The following STIM2 variants were observed in gnomAD, a reference collection of about 807,000 sequenced individuals.
The protein encoded by STIM2 is stromal interaction molecule 2.
STIM2 carries 31 observed loss-of-function variants against 85.8 expected under a neutral mutation model. The ratio of observed to expected loss-of-function variants is 0.36; its 90% CI spans 0.27 to 0.49. STIM2 has a LOEUF of 0.49. Ranked by LOEUF, STIM2 falls within the 20% of genes least tolerant of loss-of-function variation. The probability of loss-of-function intolerance (pLI) is 0.98; values close to 1 mark genes in which losing one functional copy is unlikely to be tolerated. For synonymous variants in STIM2, 356 were observed against 331.1 expected (o/e 1.08, Z -0.82); for missense variants, 841 against 927.6 (o/e 0.91, Z 1.21).
At position 27,008,853 on chromosome 4, in the gene STIM2, A is replaced by G. The variant is rs140811417; in HGVS notation, c.1340A>G (p.His447Arg). Residue 447 changes from histidine (H) to arginine (R), a missense_variant, in exon 10 of 12, where the codon CAT becomes CGT. Around this residue, in one of 3 missense-constraint regions of STIM2, gnomAD observed 408 missense variants for 525.4 expected, o/e 0.78. Coordinates refer to ENST00000467087, the MANE Select transcript of STIM2 (RefSeq NM_020860.4). ...AAGATCTGTGGCTTTCAGATAGCCC[A>G]TAACTCAGGACTCCCCAGCCTGACC... is the stretch of plus-strand genomic sequence containing the variant. 76 of 1,614,056 alleles carry G rather than the reference A, an allele frequency of 4.7e-5. No homozygotes were observed. Among genetic ancestry groups the G allele is most frequent in the Non-Finnish European group, 6.1e-5 (72 of 1,180,036 alleles).
intron 1 of STIM2, 155 bp downstream of exon 1, chr4:26,861,524 G>GCCTGCTGCTTCGTCGCGGTC: frequency 1.7e-6 from 2 of 1,147,094 alleles, no homozygotes; most frequent in Non-Finnish European, 2.2e-6. Flanking sequence ...GCGGTCCCCT[G>GCCTGCTGCTTCGTCGCGGTC]CACTCCGGAC....
At chr4:26,957,420 C>T (rs768107303) in intron 2 of STIM2, among the ~76,000 whole-genome samples, 192 bp from the exon 3 acceptor site, 4 of 152,062 alleles carry the variant, frequency 2.6e-5, no homozygotes, top group South Asian at 2.1e-4. Flanking sequence ...GGTGGCGTTA[C>T]GATTAGTAGC....
At chr4:26,991,929 T>C (rs534831098) in intron 3 of STIM2, among the ~76,000 whole-genome samples, 25 of 152,226 alleles carry the variant, frequency 1.6e-4, no homozygotes, top group Admixed American at 6.5e-4. Context: ...GGCATTTCTG[T>C]AGCTCTGCAG....
At chr4:26,894,958 T>A (rs1485769303) in intron 1 of STIM2, among the ~76,000 whole-genome samples, 2 of 152,248 alleles carry the variant, frequency 1.3e-5, no homozygotes, top group Non-Finnish European at 2.9e-5. Flanking sequence ...ACATCTGTAA[T>A]GCCAGCACTT....
chr4:27,022,826 C>T lies in STIM2; in HGVS notation c.2071C>T (p.Pro691Ser), dbSNP rs186602217. ...CCAGCTTTCCAGTGGCATCCCGGTG[C>T]CTAAACCTCGCCACACATCATGTTC... The change falls in exon 12 of 12, where the codon CCT becomes TCT. Residue 691 changes from proline (P) to serine (S), a missense_variant. Pro to Ser is a moderately conservative substitution (Grantham distance 74). Around this residue, in one of 3 missense-constraint regions of STIM2, gnomAD observed 293 missense variants for 284.5 expected, o/e 1.03. Coordinates refer to ENST00000467087, the MANE Select transcript of STIM2 (RefSeq NM_020860.4). 43 of 1,614,178 alleles carry T rather than the reference C, an allele frequency of 2.7e-5. 2 individuals are homozygous for T. In the East Asian group the frequency reaches 9.4e-4, roughly 35 times the overall value.
intron 3 of STIM2, among the ~76,000 whole-genome samples, chr4:26,994,228 A>G (rs774908127): frequency 6.6e-6 from 1 of 152,090 alleles, no homozygotes; most frequent in Non-Finnish European, 1.5e-5. Context: ...GCATACTTCA[A>G]ACATAACGTG....
chr4:27,023,737 G>A lies in STIM2; in HGVS notation c.*741G>A, dbSNP rs1462353728. The A allele has an allele frequency of 6.6e-6, 1 of 152,604 alleles. No homozygotes were observed. Among genetic ancestry groups the A allele is most frequent in the Non-Finnish European group, 1.5e-5 (1 of 68,042 alleles). The allele number at this position is 152,604 out of a possible 1,614,324, so 9.5% of individuals were successfully genotyped here. A position where few individuals can be genotyped will look rare whatever the true frequency, so the allele number is the denominator to read the frequency against. On this transcript the variant is annotated 3_prime_UTR_variant, in exon 12 of 12. Transcript: ENST00000467087. ...TTCACTGTGATTTACTGCATTGCAG[G>A]CTGTATGATAAAACACACATAATTT...
At chr4:26,976,907 T>C (rs1323303143) in intron 3 of STIM2, among the ~76,000 whole-genome samples, 1 of 152,232 alleles carries the variant, frequency 6.6e-6, no homozygotes, top group African/African-American at 2.4e-5. Flanking sequence ...CTGATGGAGT[T>C]AACGCTCTTT....
intron 7 of STIM2, among the ~76,000 whole-genome samples, chr4:27,003,872 T>C (rs1024902012): frequency 6.6e-6 from 1 of 152,154 alleles, no homozygotes; most frequent in African/African-American, 2.4e-5. Context: ...CCCCTTCGTC[T>C]GTCTTGAAAG....
intron 4 of STIM2, among the ~76,000 whole-genome samples, chr4:26,996,618 T>G (rs1378350941): frequency 6.6e-6 from 1 of 152,096 alleles, no homozygotes; most frequent in African/African-American, 2.4e-5. Flanking sequence ...ATTATAGGGA[T>G]AAGAGTCAAT....
chr4:26,861,657 T>G, intron 1 of STIM2: 1 of 269,590 alleles, frequency 3.7e-6, no homozygotes. Flanking sequence ...TCTTTCGTGC[T>G]GCAGAAGTGC....
chr4:26,913,587 T>G (rs1273430402), intron 1 of STIM2, among the ~76,000 whole-genome samples: 1 of 152,226 alleles, frequency 6.6e-6, no homozygotes, highest in Non-Finnish European at 1.5e-5. Context: ...TACTAACTAC[T>G]TAGGTTTAAA....
chr4:26,985,208 TG>T (rs1254710018), intron 3 of STIM2, among the ~76,000 whole-genome samples: 2 of 152,202 alleles, frequency 1.3e-5, no homozygotes, highest in Non-Finnish European at 2.9e-5. Context: ...TAGGATGAAA[TG>T]TGAAAGGCCC....
chr4:26,886,919 T>G (rs1302122875), intron 1 of STIM2, among the ~76,000 whole-genome samples: 2 of 152,170 alleles, frequency 1.3e-5, no homozygotes, highest in Admixed American at 6.5e-5. Context: ...GGAGAGAAAG[T>G]GCTAGAGCTC....
At chr4:26,903,917 G>A (rs571631326) in intron 1 of STIM2, among the ~76,000 whole-genome samples, 32 of 151,950 alleles carry the variant, frequency 2.1e-4, no homozygotes, top group African/African-American at 7.0e-4. Flanking sequence ...CAGTGGCTAG[G>A]ATTTTTTTTT....
At position 27,022,551 on chromosome 4, in the gene STIM2, C is replaced by A; in HGVS notation, c.1796C>A (p.Ser599Tyr). Residue 599 changes from serine to tyrosine, a missense_variant, in exon 12 of 12, where the codon TCC becomes TAC. By Grantham distance (144) the Ser-to-Tyr change is moderately radical. Transcript: ENST00000467087. Reference sequence around the variant, plus strand: ...CCAGACACAGCTTCAGAATGTGACTCCTTAAATTCTTCCATTGGAAGGAAA... The same window carrying A: ...CCAGACACAGCTTCAGAATGTGACTACTTAAATTCTTCCATTGGAAGGAAA... 1 of 1,604,682 alleles carries A rather than the reference C, an allele frequency of 6.2e-7. No individual in the cohort carries two copies. Among genetic ancestry groups the A allele is most frequent in the Non-Finnish European group, 8.5e-7 (1 of 1,172,478 alleles).
rs544243736 is a variant in STIM2, at chr4:26,920,368, C to T, written c.282+734C>T. Among the ~76,000 whole-genome samples, 3 of 152,284 alleles carry T rather than the reference C, an allele frequency of 2.0e-5. No homozygotes were observed. The South Asian group carries it at 6.2e-4, about 32-fold the overall frequency. ...TGGAGACCACCAGCATGGTAATTTA[C>T]TGTACCCACTGTCTTTAGTTTTTAA... On this transcript the variant is annotated intron_variant, in intron 2 of 11. Transcript: ENST00000467087.
intron 1 of STIM2, among the ~76,000 whole-genome samples, chr4:26,911,136 C>G (rs1348781331): frequency 1.3e-5 from 2 of 151,962 alleles, no homozygotes; most frequent in Non-Finnish European, 2.9e-5. Flanking sequence ...ACTCAGGAGG[C>G]TGAGGCAGGA....
At chr4:27,021,635 T>A (rs1421965265) in intron 11 of STIM2, 1 of 456,744 alleles carries the variant, frequency 2.2e-6, no homozygotes, top group African/African-American at 2.0e-5. Context: ...TATGTTTTGC[T>A]TGAGTTTTTA....
Sources: allele counts gnomAD v4.1 joint callset (sites outside exome capture counted in the v4.1 genomes callset), GRCh38; gene constraint gnomAD v4.1.1; regional missense constraint gnomAD v4.1.1; transcripts MANE v1.5; gene names NCBI Gene and HGNC (gene_info 2026-07-23, HGNC 2026-07-21).